FBXO42: variants seen among roughly 807,000 people sequenced by gnomAD.
FBXO42 encodes the protein F-box only protein 42.
A neutral mutation model predicts 71.7 loss-of-function variants in FBXO42; 12 were observed. The observed-to-expected ratio is 0.17, with a 90% CI of 0.11 to 0.27. The LOEUF (loss-of-function observed/expected upper bound fraction) is 0.27. Among genes scored for constraint, FBXO42 ranks in the 10% least tolerant of loss-of-function variants. FBXO42 has a pLI of 1.00. For missense variants in FBXO42, 707 were observed against 911.9 expected (o/e 0.78, Z 2.89); for synonymous variants, 325 against 327.5 (o/e 0.99, Z 0.08).
At chr1:16,295,026 T>C in intron 3 of FBXO42, 109 bp from the exon 4 acceptor site, 1 of 1,303,156 alleles carries the variant, frequency 7.7e-7, no homozygotes, top group Middle Eastern at 2.7e-4. Flanking sequence ...AGCAATTTTG[T>C]TACCAAGTAC....
intron 4 of FBXO42, among the ~76,000 whole-genome samples, chr1:16,277,996 C>T (rs753867649): frequency 4.0e-5 from 6 of 151,044 alleles, no homozygotes; most frequent in African/African-American, 1.2e-4. Flanking sequence ...AAACCATGTT[C>T]GTGCCACTGT....
chr1:16,317,618 C>A (rs2082379878), intron 1 of FBXO42, among the ~76,000 whole-genome samples: 1 of 151,646 alleles, frequency 6.6e-6, no homozygotes, highest in Admixed American at 6.6e-5. Context: ...AACAAACAAA[C>A]AAACAAACAG....
At chr1:16,315,605 T>TC (rs988735819) in intron 1 of FBXO42, among the ~76,000 whole-genome samples, 170 bp from the exon 2 acceptor site, 18 of 152,292 alleles carry the variant, frequency 1.2e-4, no homozygotes, top group African/African-American at 4.1e-4. Flanking sequence ...CAGGTACAGC[T>TC]CAAATACCAA....
intron 4 of FBXO42, among the ~76,000 whole-genome samples, chr1:16,281,230 G>T (rs1480124847): frequency 2.0e-5 from 3 of 152,182 alleles, no homozygotes; most frequent in African/African-American, 7.2e-5. Flanking sequence ...CCAAAGTGCT[G>T]GGATTACAGG....
chr1:16,317,493 G>A (rs1443685565), intron 1 of FBXO42, among the ~76,000 whole-genome samples: 1 of 151,984 alleles, frequency 6.6e-6, no homozygotes, highest in Non-Finnish European at 1.5e-5. Flanking sequence ...TTACTTGGGA[G>A]GATGAGGCAG....
At chr1:16,261,784 A>C (rs986992530) in intron 4 of FBXO42, among the ~76,000 whole-genome samples, 9 of 152,040 alleles carry the variant, frequency 5.9e-5, no homozygotes, top group Non-Finnish European at 1.0e-4. Context: ...GCTCACTGCA[A>C]GCTCCACCTC....
intron 1 of FBXO42, among the ~76,000 whole-genome samples, chr1:16,316,095 G>A (rs373235471): frequency 6.6e-6 from 1 of 150,446 alleles, no homozygotes; most frequent in African/African-American, 2.4e-5. Flanking sequence ...ACTTGAACCT[G>A]GGAGGCAGAG....
chr1:16,309,131 G>A (rs139058494), intron 2 of FBXO42, among the ~76,000 whole-genome samples: 191 of 125,488 alleles, frequency 1.5e-3, no homozygotes, highest in East Asian at 0.014. Context: ...GCTGTGGCGC[G>A]ATCTTGGCTT....
chr1:16,322,566 A>G (rs2082416886), intron 1 of FBXO42, among the ~76,000 whole-genome samples: 1 of 152,174 alleles, frequency 6.6e-6, no homozygotes, highest in South Asian at 2.1e-4. Flanking sequence ...ACAGAGCGAG[A>G]CTCTGTCTCA....
chr1:16,267,853 C>T (rs2081795451), intron 4 of FBXO42, among the ~76,000 whole-genome samples: 1 of 152,146 alleles, frequency 6.6e-6, no homozygotes, highest in Admixed American at 6.6e-5. Context: ...TTGTAATGGG[C>T]ATGAGAAACT....
rs1441951943 is a variant in FBXO42 at position 16,326,038 on chromosome 1, G to GTGTGTGTGTGTGTGTGTGTGTGTGTC, written c.-17-10604_-17-10603insGACACACACACACACACACACACACA. Among the ~76,000 whole-genome samples the GTGTGTGTGTGTGTGTGTGTGTGTGTC allele has an allele frequency of 2.6e-3, 383 of 146,886 alleles. 1 individual carries two copies. The highest frequency in any genetic ancestry group is 3.9e-3 in the Non-Finnish European group (260 of 65,826). ...TTTGTGTGTGTGTGTGTGTGTGTGT[G>GTGTGTGTGTGTGTGTGTGTGTGTGTC]TGTGTGTGTGTCTGTGTGTGTCTGT... On this transcript the variant is annotated intron_variant, in intron 1 of 9. Coordinates refer to ENST00000375592, the MANE Select transcript of FBXO42 (RefSeq NM_018994.3).
At chr1:16,346,055 G>C (rs886222032) in intron 1 of FBXO42, among the ~76,000 whole-genome samples, 2 of 152,082 alleles carry the variant, frequency 1.3e-5, no homozygotes, top group Non-Finnish European at 2.9e-5. Flanking sequence ...AACGACTAAT[G>C]GTGAGAACGA....
intron 4 of FBXO42, among the ~76,000 whole-genome samples, chr1:16,282,514 C>T (rs1407114505): frequency 2.1e-5 from 3 of 142,572 alleles, no homozygotes; most frequent in Non-Finnish European, 4.6e-5. Flanking sequence ...GTGTGAGCCA[C>T]TGTGCCCGGC....
intron 4 of FBXO42, among the ~76,000 whole-genome samples, chr1:16,287,451 C>A (rs1028782823): frequency 6.6e-6 from 1 of 152,108 alleles, no homozygotes; most frequent in African/African-American, 2.4e-5. Flanking sequence ...CTCATTAGGG[C>A]TGAGATGTTT....
At chr1:16,338,344 G>T in intron 1 of FBXO42, among the ~76,000 whole-genome samples, 1 of 116,620 alleles carries the variant, frequency 8.6e-6, no homozygotes, top group African/African-American at 3.1e-5. Context: ...ACAGAGTATG[G>T]CCCTATCTCC....
intron 1 of FBXO42, among the ~76,000 whole-genome samples, chr1:16,333,439 C>A (rs1014812739): frequency 1.6e-5 from 2 of 128,414 alleles, no homozygotes; most frequent in South Asian, 2.8e-4. Flanking sequence ...TAGTGAGACC[C>A]CCCCCCCCCA....
chr1:16,315,803 C>T (rs1160426112), intron 1 of FBXO42, among the ~76,000 whole-genome samples: 1 of 152,104 alleles, frequency 6.6e-6, no homozygotes, highest in Non-Finnish European at 1.5e-5. Flanking sequence ...GATCTAAGAC[C>T]TCAAATTTTG....
At chr1:16,273,950 C>G (rs1329163629) in intron 4 of FBXO42, among the ~76,000 whole-genome samples, 1 of 152,174 alleles carries the variant, frequency 6.6e-6, no homozygotes, top group African/African-American at 2.4e-5. Context: ...AAACTACTGA[C>G]AGATGCAACC....
chr1:16,328,711 G>C (rs2082471109), intron 1 of FBXO42, among the ~76,000 whole-genome samples: 1 of 152,156 alleles, frequency 6.6e-6, no homozygotes. Context: ...AGCATACCTA[G>C]CACCCAGAAG....
Sources: allele counts gnomAD v4.1 joint callset (sites outside exome capture counted in the v4.1 genomes callset), GRCh38; gene constraint gnomAD v4.1.1; transcripts MANE v1.5; gene names NCBI Gene and HGNC (gene_info 2026-07-23, HGNC 2026-07-21).